Variants in ST3GAL3 observed in about 807,000 individuals in gnomAD.
ST3GAL3 encodes CMP-N-acetylneuraminate-beta-1,4-galactoside alpha-2,3-sialyltransferase.
A neutral mutation model predicts 50.1 loss-of-function variants in ST3GAL3; 21 were observed. The observed-to-expected ratio is 0.42, with a 90% CI of 0.30 to 0.60. ST3GAL3 has a LOEUF of 0.60. Among genes scored for constraint, ST3GAL3 ranks in the 20% least tolerant of loss-of-function variants. ST3GAL3 has a pLI of 0.19. For synonymous variants in ST3GAL3, 183 were observed against 190.0 expected, an observed-to-expected ratio of 0.96 and a Z score of 0.30; for missense variants, 353 against 489.4, an observed-to-expected ratio of 0.72 and a Z score of 2.63.
rs143259274 is a variant in ST3GAL3, at chr1:43,880,554, C to T, written c.303-13829C>T. 5.4e-3 allele frequency among the ~76,000 whole-genome samples: 818 copies of T among 152,196 alleles called. 6 individuals are homozygous for T. Among genetic ancestry groups the T allele is most frequent in the Admixed American group, 7.7e-3 (117 of 15,282 alleles). ...TCCCTCTCTCCGCTTGTCTCCTTTC[C>T]ATCTGAATACAAACATCTCAGTTCT... On this transcript the variant is annotated intron_variant, in intron 5 of 11. Coordinates refer to ENST00000347631, the MANE Select transcript of ST3GAL3 (RefSeq NM_006279.5).
chr1:43,781,630 A>T (rs1472189995), intron 2 of ST3GAL3, among the ~76,000 whole-genome samples: 1 of 151,812 alleles, frequency 6.6e-6, no homozygotes, highest in Non-Finnish European at 1.5e-5. Flanking sequence ...AAAGATTTTT[A>T]CATGTTTAAA....
intron 2 of ST3GAL3, among the ~76,000 whole-genome samples, chr1:43,764,335 G>A (rs779626794): frequency 3.9e-5 from 6 of 152,128 alleles, no homozygotes; most frequent in African/African-American, 1.4e-4. Context: ...AATTTTAAAG[G>A]TTCCATCCCA....
rs113404583 is a variant in ST3GAL3, at chr1:43,744,790, G to A, written c.118+8410G>A. On this transcript the variant is annotated intron_variant, in intron 2 of 11. Transcript: ENST00000347631. ...GCTGAGGCAGGCGGGATCACCTGAG[G>A]TCAGGAGTTTGAGACCGTGAAACCC... Among the ~76,000 whole-genome samples, 804 of 151,330 alleles carry A rather than the reference G, an allele frequency of 5.3e-3. 15 individuals are homozygous for A. The highest frequency in any genetic ancestry group is 0.018 in the African/African-American group (746 of 41,312).
chr1:43,907,761 CTT>C (rs1344975830), intron 9 of ST3GAL3, among the ~76,000 whole-genome samples: 4 of 152,216 alleles, frequency 2.6e-5, no homozygotes, highest in Non-Finnish European at 4.4e-5. Context: ...TTTCTCACCT[CTT>C]TGCCGGGTCC....
chr1:43,906,597 A>G lies in ST3GAL3; in HGVS notation c.744+6870A>G, dbSNP rs552608543. 3.1e-3 allele frequency among the ~76,000 whole-genome samples: 154 copies of G among 49,288 alleles called. 1 individual carries two copies. Among genetic ancestry groups the G allele is most frequent in the African/African-American group, 0.013 (149 of 11,482 alleles). 32.3% of individuals were successfully genotyped at this position (49,288 alleles called of 152,430 possible). A position where few individuals can be genotyped will look rare whatever the true frequency, so the allele number is the denominator to read the frequency against. On this transcript the variant is annotated intron_variant, in intron 9 of 11. Coordinates refer to ENST00000347631, the MANE Select transcript of ST3GAL3 (RefSeq NM_006279.5). ...TCCTCCTCCTGTTCCTCTTCCTGCC[A>G]CTCTTCCTCCTCCTCCTGCTCTTCT...
chr1:43,743,469 G>A (rs1681986522), intron 2 of ST3GAL3: 1 of 395,488 alleles, frequency 2.5e-6, no homozygotes, highest in African/African-American at 2.1e-5. Context: ...CAACACTTAA[G>A]AGCAACGATC....
chr1:43,829,172 A>G (rs2063207195), intron 4 of ST3GAL3, among the ~76,000 whole-genome samples: 1 of 151,780 alleles, frequency 6.6e-6, no homozygotes, highest in Admixed American at 6.6e-5. Context: ...GCCACAACCA[A>G]TATCCAAGGG....
intron 5 of ST3GAL3, among the ~76,000 whole-genome samples, chr1:43,877,355 C>T (rs2074310996): frequency 6.6e-6 from 1 of 152,154 alleles, no homozygotes; most frequent in South Asian, 2.1e-4. Flanking sequence ...GGTCTTCTGA[C>T]TTCCCTGGTC....
At chr1:43,890,422 T>C (rs980445811) in intron 5 of ST3GAL3, among the ~76,000 whole-genome samples, 1 of 152,136 alleles carries the variant, frequency 6.6e-6, no homozygotes, top group South Asian at 2.1e-4. Flanking sequence ...TTTAAAAATA[T>C]ATACACCGGA....
intron 1 of ST3GAL3, among the ~76,000 whole-genome samples, chr1:43,715,626 C>CA (rs1667022174): frequency 6.6e-6 from 1 of 150,902 alleles, no homozygotes; most frequent in Non-Finnish European, 1.5e-5. Flanking sequence ...TACATCTCTT[C>CA]AAAAAATTAA....
intron 5 of ST3GAL3, among the ~76,000 whole-genome samples, chr1:43,870,188 CTACT>C (rs2072325429): frequency 6.6e-6 from 1 of 152,250 alleles, no homozygotes; most frequent in Non-Finnish European, 1.5e-5. Flanking sequence ...GAATGCCTGC[CTACT>C]TACTTCAAAT....
At chr1:43,855,860 C>T (rs982455429) in intron 5 of ST3GAL3, among the ~76,000 whole-genome samples, 1 of 152,114 alleles carries the variant, frequency 6.6e-6, no homozygotes, top group African/African-American at 2.4e-5. Flanking sequence ...TAATAACATA[C>T]ACATTTTATT....
chr1:43,887,611 G>A (rs1558736491), intron 5 of ST3GAL3, among the ~76,000 whole-genome samples: 1 of 152,178 alleles, frequency 6.6e-6, no homozygotes, highest in African/African-American at 2.4e-5. Flanking sequence ...AGTCATCTTC[G>A]AGGCCAGAGT....
At chr1:43,913,273 A>C (rs1015340540) in intron 9 of ST3GAL3, 1 of 152,208 alleles carries the variant, frequency 6.6e-6, no homozygotes, top group African/African-American at 2.4e-5. Flanking sequence ...ATAATAAGTA[A>C]GATTTATTGA....
At chr1:43,837,455 A>G (rs1158368830) in intron 4 of ST3GAL3, among the ~76,000 whole-genome samples, 1 of 152,214 alleles carries the variant, frequency 6.6e-6, no homozygotes, top group Non-Finnish European at 1.5e-5. Flanking sequence ...AGTTCCCACT[A>G]CTGGGGAATG....
chr1:43,759,063 G>A lies in ST3GAL3; in HGVS notation c.118+22683G>A, dbSNP rs530323229. Among the ~76,000 whole-genome samples the A allele has an allele frequency of 6.6e-3, 868 of 132,412 alleles. 9 individuals carry two copies. Among genetic ancestry groups the A allele is most frequent in the African/African-American group, 0.027 (819 of 30,670 alleles). 86.9% of individuals were successfully genotyped at this position (132,412 alleles called of 152,430 possible). A position where few individuals can be genotyped will look rare whatever the true frequency, so the allele number is the denominator to read the frequency against. On this transcript the variant is annotated intron_variant, in intron 2 of 11. Transcript: ENST00000347631. Reference sequence around the variant, plus strand: ...TCTCCTAAAAAACAAACAAAAGCGCGCGCACACACACACACACACACACAC... The same window carrying A: ...TCTCCTAAAAAACAAACAAAAGCGCACGCACACACACACACACACACACAC...
intron 1 of ST3GAL3, among the ~76,000 whole-genome samples, chr1:43,715,845 A>T (rs925198465): frequency 3.3e-5 from 5 of 152,300 alleles, no homozygotes; most frequent in Admixed American, 6.5e-5. Flanking sequence ...AATCGTGGTC[A>T]CCTCATCATG....
intron 3 of ST3GAL3, among the ~76,000 whole-genome samples, chr1:43,801,130 C>T (rs555759514): frequency 2.4e-4 from 37 of 152,266 alleles, no homozygotes; most frequent in Admixed American, 1.0e-3. Context: ...ATTCGAAGCA[C>T]GGCAATTTCT....
At chr1:43,917,632 TATATAATATAATATATAATATA>T (rs1418901080) in intron 9 of ST3GAL3, among the ~76,000 whole-genome samples, 1 of 57,804 alleles carries the variant, frequency 1.7e-5, no homozygotes, top group East Asian at 3.9e-4. Flanking sequence ...TTATATATAA[TATATAATATAATATATAATATA>T]ATATATAATA....
Sources: gnomAD v4.1 joint callset for allele counts (sites outside exome capture counted in the v4.1 genomes callset) on GRCh38, gnomAD v4.1.1 for gene constraint, MANE v1.5 for transcripts, NCBI Gene and HGNC (gene_info 2026-07-23, HGNC 2026-07-21) for gene names.